ABCG4: variants seen among roughly 807,000 people sequenced by gnomAD.
ABCG4 encodes the protein ATP-binding cassette sub-family G member 4.
Under a neutral mutation model 64.6 loss-of-function variants are expected in ABCG4, and 35 were observed. That is an observed-to-expected ratio of 0.54 (90% CI 0.41 to 0.72). ABCG4 has a LOEUF of 0.72. ABCG4 is among the 30% of genes least tolerant of loss of function. The pLI, the probability that ABCG4 is intolerant of heterozygous loss-of-function variation, is 0.00. For missense variants in ABCG4, 610 were observed against 846.3 expected, an observed-to-expected ratio of 0.72 and a Z score of 3.46; for synonymous variants, 326 against 348.2, an observed-to-expected ratio of 0.94 and a Z score of 0.71.
At chr11:119,151,876 G>T (rs1948196912) in intron 2 of ABCG4, among the ~76,000 whole-genome samples, 4 of 152,232 alleles carry the variant, frequency 2.6e-5, no homozygotes, top group Admixed American at 2.6e-4. Flanking sequence ...TATAAGCTGT[G>T]TGACCTTGGG....
chr11:119,160,783 A>G lies in ABCG4; in HGVS notation c.1716-98A>G. The stretch of plus-strand genomic sequence containing the variant: ...CTTTGGGCAGGGGCACCCTGGCTGC[A>G]CCCCAGGGATGACAGCATTGCAGCT... On this transcript the variant is annotated intron_variant, in intron 14 of 14. Transcript: ENST00000619701. This position sits in a 1 kb window ranked among gnomAD's most constrained non-coding sequence, Gnocchi z 4.6. 6.7e-7 allele frequency: 1 copy of G among 1,491,518 alleles called. No homozygotes were observed. Among genetic ancestry groups the G allele is most frequent in the Non-Finnish European group, 9.3e-7 (1 of 1,078,798 alleles). 92.4% of individuals were successfully genotyped at this position (1,491,518 alleles called of 1,614,324 possible). A position where few individuals can be genotyped will look rare whatever the true frequency, so the allele number is the denominator to read the frequency against.
In ABCG4 at chr11:119,149,776, C is replaced by G; in HGVS notation, c.-12-178C>G. ...GGGGTCAGGCTGGAGCTGGGCTGCC[C>G]GGGACTGAGCGTCTCCGTGCGGAGA... On this transcript the variant is annotated intron_variant, in intron 1 of 14. Transcript: ENST00000619701. This position sits in a 1 kb window ranked among gnomAD's most constrained non-coding sequence, Gnocchi z 8.3. 2.9e-6 allele frequency: 3 copies of G among 1,039,760 alleles called. No individual in the cohort carries two copies. Among genetic ancestry groups the G allele is most frequent in the Non-Finnish European group, 4.1e-6 (3 of 738,634 alleles). The allele number at this position is 1,039,760 out of a possible 1,614,324, so 64.4% of individuals were successfully genotyped here.
rs79790014 is a variant in ABCG4, at chr11:119,152,565, G to A, written c.239-1461G>A. ...AAGGTGCTAGGTAAGGGATTGGCAC[G>A]TCCTCACCTATGAGGCAGGTCTGCC... is the stretch of plus-strand genomic sequence containing the variant. On this transcript the variant is annotated intron_variant, in intron 2 of 14. Transcript: ENST00000619701. Among the ~76,000 whole-genome samples, 28 of 152,152 alleles carry A rather than the reference G, an allele frequency of 1.8e-4. 1 individual carries two copies. Among genetic ancestry groups the A allele is most frequent in the Admixed American group, 8.5e-4 (13 of 15,274 alleles).
chr11:119,160,815 T>C lies in ABCG4; in HGVS notation c.1716-66T>C. On this transcript the variant is annotated intron_variant, in intron 14 of 14. Coordinates refer to ENST00000619701, the MANE Select transcript of ABCG4 (RefSeq NM_022169.5). The surrounding 1 kb of genome is among the most constrained non-coding windows in gnomAD (Gnocchi z 4.6). ...GGATGACAGCATTGCAGCTGGGCTC[T>C]GGCAGTTTTCTCAGAGAGCAGGGAC... 6.4e-7 allele frequency: 1 copy of C among 1,553,842 alleles called. No homozygotes were observed. The highest frequency in any genetic ancestry group is 8.8e-7 in the Non-Finnish European group (1 of 1,132,932).
At position 119,160,909 on chromosome 11, in the gene ABCG4, A is replaced by T; in HGVS notation, c.1744A>T (p.Ile582Phe). 1 of 1,613,916 alleles carries T rather than the reference A, an allele frequency of 6.2e-7. No individual in the cohort carries two copies. The highest frequency in any genetic ancestry group is 8.5e-7 in the Non-Finnish European group (1 of 1,179,926). The change falls in exon 15 of 15, where the codon ATC (isoleucine) becomes TTC (phenylalanine). Residue 582 changes from isoleucine (I) to phenylalanine (F), a missense_variant. By Grantham distance (21) the Ile-to-Phe change is conservative (BLOSUM62 0). Coordinates refer to ENST00000619701, the MANE Select transcript of ABCG4 (RefSeq NM_022169.5). This position sits in a 1 kb window ranked among gnomAD's most constrained non-coding sequence, Gnocchi z 4.6. ...TGGCTTTGAGGGTGTGATCCTGACGATCTATGGCATGGAGCGAGGAGACCT... is the reference window on the plus strand; with the variant it reads ...TGGCTTTGAGGGTGTGATCCTGACGTTCTATGGCATGGAGCGAGGAGACCT... The part of the protein sequence containing the change: ...RYGFEGVILT[I>F]YGMERGDLTC...
In ABCG4 at chr11:119,160,893, G is replaced by A; in HGVS notation, c.1728G>A (p.Glu576=). Residue 576 remains glutamate, a synonymous_variant, in exon 15 of 15, where the codon GAG becomes GAA. Coordinates refer to ENST00000619701, the MANE Select transcript of ABCG4 (RefSeq NM_022169.5). This position sits in a 1 kb window ranked among gnomAD's most constrained non-coding sequence, Gnocchi z 4.6. ...SYLSYVRYGF[E]GVILTIYGME... Reference sequence around the variant, plus strand: ...CCTGCCTGCCTAGGTATGGCTTTGAGGGTGTGATCCTGACGATCTATGGCA... The same window carrying A: ...CCTGCCTGCCTAGGTATGGCTTTGAAGGTGTGATCCTGACGATCTATGGCA... 6.2e-7 allele frequency: 1 copy of A among 1,613,832 alleles called. No individual in the cohort carries two copies. The highest frequency in any genetic ancestry group is 8.5e-7 in the Non-Finnish European group (1 of 1,179,828).
chr11:119,158,845 G>A lies in ABCG4; in HGVS notation c.1353G>A (p.Ala451=), dbSNP rs781162860. Reference sequence around the variant, plus strand: ...TGTCCTCAGTCCCCTTAGAGATGGCGGTCTTCATGAGGGAGCACCTCAACT... The same window carrying A: ...TGTCCTCAGTCCCCTTAGAGATGGCAGTCTTCATGAGGGAGCACCTCAACT... ...PTVLTFPLEM[A]VFMREHLNYW... is the part of the protein sequence containing the mutation. The change falls in exon 12 of 15, where the codon GCG becomes GCA. Residue 451 remains alanine (A), a synonymous_variant. Coordinates refer to ENST00000619701, the MANE Select transcript of ABCG4 (RefSeq NM_022169.5). This position sits in a 1 kb window ranked among gnomAD's most constrained non-coding sequence, Gnocchi z 4.5. The A allele has an allele frequency of 3.7e-5, 60 of 1,614,070 alleles. No homozygotes were observed. Among genetic ancestry groups the A allele is most frequent in the South Asian group, 7.7e-5 (7 of 91,092 alleles).
At position 119,160,881 on chromosome 11, in the gene ABCG4, G is replaced by A. The variant is rs749012531; in HGVS notation, c.1716G>A (p.Arg572=). The A allele has an allele frequency of 1.9e-6, 3 of 1,613,184 alleles. No individual in the cohort carries two copies. The highest frequency in any genetic ancestry group is 1.1e-5 in the South Asian group (1 of 91,022). The change falls in exon 15 of 15, where the codon AGG becomes AGA. Residue 572 remains arginine (R), a splice_region_variant and synonymous_variant. Transcript: ENST00000619701. This position sits in a 1 kb window ranked among gnomAD's most constrained non-coding sequence, Gnocchi z 4.6. ...LQWSSYLSYV[R]YGFEGVILTI... is the part of the protein sequence containing the mutation. ...CCATCTGATATCCCTGCCTGCCTAG[G>A]TATGGCTTTGAGGGTGTGATCCTGA...
chr11:119,153,787 G>C (rs368619836), intron 2 of ABCG4: 1 of 506,322 alleles, frequency 2.0e-6, no homozygotes, highest in South Asian at 2.5e-5. Context: ...ATTTTCCCAC[G>C]CCTTTCAGAA....
chr11:119,160,510 T>C lies in ABCG4; in HGVS notation c.1597-28T>C. The C allele has an allele frequency of 6.2e-7, 1 of 1,607,892 alleles. No homozygotes were observed. ...GGGTTTGTCCTGGTCACCCCTATGATGGCCTGGCCCCCTCCCTTCCCCTCT... is the reference window on the plus strand; with the variant it reads ...GGGTTTGTCCTGGTCACCCCTATGACGGCCTGGCCCCCTCCCTTCCCCTCT... On this transcript the variant is annotated intron_variant, in intron 13 of 14. Coordinates refer to ENST00000619701, the MANE Select transcript of ABCG4 (RefSeq NM_022169.5). The surrounding 1 kb of genome is among the most constrained non-coding windows in gnomAD (Gnocchi z 4.6).
chr11:119,159,277 A>C (rs910005347), intron 12 of ABCG4, among the ~76,000 whole-genome samples: 3 of 152,246 alleles, frequency 2.0e-5, no homozygotes, highest in African/African-American at 7.2e-5. Flanking sequence ...ACTTGAGCTC[A>C]GGAGTTTGAC....
chr11:119,151,982 C>T (rs930309155), intron 2 of ABCG4, among the ~76,000 whole-genome samples: 13 of 152,214 alleles, frequency 8.5e-5, no homozygotes, highest in Non-Finnish European at 1.6e-4. Context: ...GAGACGGTAT[C>T]TGTGAGAGGC....
In ABCG4 at chr11:119,158,524, C is replaced by T. The variant is rs1382018535; in HGVS notation, c.1168-33C>T. 6.2e-7 allele frequency: 1 copy of T among 1,613,602 alleles called. No homozygotes were observed. The highest frequency in any genetic ancestry group is 2.2e-5 in the East Asian group (1 of 44,876). Reference sequence around the variant, plus strand: ...CTCTGTGGCTTGCCCTGGCCTGTAACACATCCCTCTCCTGGTGATGACCCC... The same window carrying T: ...CTCTGTGGCTTGCCCTGGCCTGTAATACATCCCTCTCCTGGTGATGACCCC... On this transcript the variant is annotated intron_variant, in intron 10 of 14. Transcript: ENST00000619701. This position sits in a 1 kb window ranked among gnomAD's most constrained non-coding sequence, Gnocchi z 4.5.
At chr11:119,152,109 G>A (rs1948199879) in intron 2 of ABCG4, among the ~76,000 whole-genome samples, 1 of 152,230 alleles carries the variant, frequency 6.6e-6, no homozygotes, top group African/African-American at 2.4e-5. Context: ...TCCTGTGAGT[G>A]GCTCTGAAAG....
chr11:119,161,295 C>G lies in ABCG4; in HGVS notation c.*189C>G. 1.7e-6 allele frequency: 1 copy of G among 589,180 alleles called. No individual in the cohort carries two copies. Among genetic ancestry groups the G allele is most frequent in the Non-Finnish European group, 3.0e-6 (1 of 332,474 alleles). 36.5% of individuals were successfully genotyped at this position (589,180 alleles called of 1,614,324 possible). On this transcript the variant is annotated 3_prime_UTR_variant, in exon 15 of 15. Coordinates refer to ENST00000619701, the MANE Select transcript of ABCG4 (RefSeq NM_022169.5). ...TGGGCTCTGGGAGTGGGGGCTCCAGCCCTCCCCACTATGCCCAGGAGTCTT... is the reference window on the plus strand; with the variant it reads ...TGGGCTCTGGGAGTGGGGGCTCCAGGCCTCCCCACTATGCCCAGGAGTCTT...
Position 119,160,540 on chromosome 11 carries a change from G to A in ABCG4, c.1599G>A (p.Val533=). 6.2e-7 allele frequency: 1 copy of A among 1,610,348 alleles called. No homozygotes were observed. Among genetic ancestry groups the A allele is most frequent in the Non-Finnish European group, 8.5e-7 (1 of 1,179,830 alleles). Residue 533 remains valine (V), a splice_region_variant and synonymous_variant, in exon 14 of 15, where the codon GTG becomes GTA. Transcript: ENST00000619701. The surrounding 1 kb of genome is among the most constrained non-coding windows in gnomAD (Gnocchi z 4.6). ...LIGAASNSLQ[V]ATFVGPVTAI... ...TGGCCCCCTCCCTTCCCCTCTAGGT[G>A]GCCACTTTTGTGGGCCCAGTTACCG...
Position 119,158,852 on chromosome 11 carries a change from A to T in ABCG4, c.1360A>T (p.Met454Leu), listed in dbSNP as rs146420624. Residue 454 changes from methionine (M) to leucine (L), a missense_variant, in exon 12 of 15, where the codon ATG becomes TTG. By Grantham distance (15) the Met-to-Leu change is conservative. Coordinates refer to ENST00000619701, the MANE Select transcript of ABCG4 (RefSeq NM_022169.5). This position sits in a 1 kb window ranked among gnomAD's most constrained non-coding sequence, Gnocchi z 4.5. ...LTFPLEMAVFMREHLNYWYSL... is the reference protein window; with the variant it reads ...LTFPLEMAVFLREHLNYWYSL... ...AGTCCCCTTAGAGATGGCGGTCTTCATGAGGGAGCACCTCAACTACTGGTA... is the reference window on the plus strand; with the variant it reads ...AGTCCCCTTAGAGATGGCGGTCTTCTTGAGGGAGCACCTCAACTACTGGTA... 6.8e-5 allele frequency: 109 copies of T among 1,614,078 alleles called. No homozygotes were observed. Among genetic ancestry groups the T allele is most frequent in the Non-Finnish European group, 8.6e-5 (101 of 1,180,038 alleles).
Position 119,160,663 on chromosome 11 carries a change from A to G in ABCG4, c.1715+7A>G. On this transcript the variant is annotated splice_region_variant and intron_variant, in intron 14 of 14. Transcript: ENST00000619701. The surrounding 1 kb of genome is among the most constrained non-coding windows in gnomAD (Gnocchi z 4.6). ...CCTATCTCTCCTATGTCAGGTCAGTACCCCTGCCCTCCTCGTTGGCCTCTG... is the reference window on the plus strand; with the variant it reads ...CCTATCTCTCCTATGTCAGGTCAGTGCCCCTGCCCTCCTCGTTGGCCTCTG... 3 of 1,609,850 alleles carry G rather than the reference A, an allele frequency of 1.9e-6. No homozygotes were observed. The highest frequency in any genetic ancestry group is 2.6e-6 in the Non-Finnish European group (3 of 1,176,392).
Position 119,161,133 on chromosome 11 carries a change from C to A in ABCG4, c.*27C>A. The stretch of plus-strand genomic sequence containing the variant: ...GGCTTGCCCCAGCCTGTACCCCAGC[C>A]CCTGCAGCAGGAAGCCCCCAGTCCC... On this transcript the variant is annotated 3_prime_UTR_variant, in exon 15 of 15. Transcript: ENST00000619701. The A allele has an allele frequency of 1.3e-6, 2 of 1,598,272 alleles. No individual in the cohort carries two copies. Among genetic ancestry groups the A allele is most frequent in the South Asian group, 2.2e-5 (2 of 90,274 alleles).
Sources: allele counts gnomAD v4.1 joint callset (sites outside exome capture counted in the v4.1 genomes callset), GRCh38; gene constraint gnomAD v4.1.1; non-coding constraint Gnocchi (gnomAD v3.1); transcripts MANE v1.5; gene names NCBI Gene and HGNC (gene_info 2026-07-23, HGNC 2026-07-21).